Variants in NUDCD3 observed in about 807,000 individuals in gnomAD.
NUDCD3 encodes the protein nudC domain-containing protein 3.
NUDCD3 carries 13 observed loss-of-function variants against 39.7 expected under a neutral mutation model. That is an observed-to-expected ratio of 0.33 (90% CI 0.21 to 0.52). The LOEUF is 0.52. Among genes scored for constraint, NUDCD3 ranks in the 20% least tolerant of loss-of-function variants. The probability of loss-of-function intolerance (pLI) is 0.96; values close to 1 mark genes in which losing one functional copy is unlikely to be tolerated. For synonymous variants in NUDCD3, 175 were observed against 172.4 expected (o/e 1.02, Z -0.12); for missense variants, 453 against 458.1 (o/e 0.99, Z 0.10).
intron 2 of NUDCD3, among the ~76,000 whole-genome samples, chr7:44,456,550 C>T (rs1470786783): frequency 6.6e-6 from 1 of 152,140 alleles, no homozygotes; most frequent in Non-Finnish European, 1.5e-5. Context: ...GGGAGGACGG[C>T]TTGAACCCAG....
intron 2 of NUDCD3, among the ~76,000 whole-genome samples, chr7:44,462,282 T>C (rs967241081): frequency 5.9e-5 from 9 of 152,214 alleles, no homozygotes; most frequent in African/African-American, 2.2e-4. Context: ...ACAAACAACA[T>C]TTCATGAATT....
At chr7:44,456,454 T>C (rs2116942893) in intron 2 of NUDCD3, among the ~76,000 whole-genome samples, 1 of 152,316 alleles carries the variant, frequency 6.6e-6, no homozygotes, top group African/African-American at 2.4e-5. Context: ...TTCTCACTAT[T>C]GCACTCGACT....
At chr7:44,490,305 A>T in intron 1 of NUDCD3, 104 bp downstream of exon 1, 1 of 1,137,666 alleles carries the variant, frequency 8.8e-7, no homozygotes, top group Non-Finnish European at 1.2e-6. Flanking sequence ...CCAGGACACC[A>T]GGAAAAGGAG....
At chr7:44,458,322 G>A (rs1183761200) in intron 2 of NUDCD3, among the ~76,000 whole-genome samples, 1 of 152,198 alleles carries the variant, frequency 6.6e-6, no homozygotes, top group African/African-American at 2.4e-5. Flanking sequence ...GAGAGAAAAT[G>A]AGGAGTGAAT....
At chr7:44,394,829 C>T (rs1490397837) in intron 4 of NUDCD3, among the ~76,000 whole-genome samples, 1 of 152,164 alleles carries the variant, frequency 6.6e-6, no homozygotes, top group Non-Finnish European at 1.5e-5. Flanking sequence ...TGCTCTCAGG[C>T]CTTTTGGCAC....
chr7:44,430,201 C>G (rs968212138), intron 2 of NUDCD3, among the ~76,000 whole-genome samples: 1 of 152,108 alleles, frequency 6.6e-6, no homozygotes, highest in Non-Finnish European at 1.5e-5. Flanking sequence ...AAAATGCTAA[C>G]AGGAGACAGT....
At chr7:44,391,562 CCAG>C (rs1170723480) in intron 5 of NUDCD3, among the ~76,000 whole-genome samples, 3 of 152,236 alleles carry the variant, frequency 2.0e-5, no homozygotes, top group Middle Eastern at 3.4e-3. Context: ...GAGACTGTGC[CCAG>C]CAGATGACCC....
At chr7:44,426,631 C>T (rs1195295880) in intron 3 of NUDCD3, among the ~76,000 whole-genome samples, 2 of 151,898 alleles carry the variant, frequency 1.3e-5, no homozygotes, top group Non-Finnish European at 2.9e-5. Flanking sequence ...CCCGTCTCTA[C>T]TAAAAATACA....
At position 44,384,614 on chromosome 7, in the gene NUDCD3, G is replaced by C. The variant is rs1486982401; in HGVS notation, c.*1397C>G. On this transcript the variant is annotated 3_prime_UTR_variant, in exon 6 of 6. Coordinates refer to ENST00000355451, the MANE Select transcript of NUDCD3 (RefSeq NM_015332.4). ...AGCCCCCACAACCCAAGTATCCATA[G>C]AGAGTGTGCAGGAGCGGGGACCTTC... 1.3e-5 allele frequency: 2 copies of C among 152,242 alleles called. No homozygotes were observed. Among genetic ancestry groups the C allele is most frequent in the South Asian group, 2.1e-4 (1 of 4,832 alleles). 9.4% of individuals were successfully genotyped at this position (152,242 alleles called of 1,614,324 possible).
At chr7:44,460,656 T>C (rs1366839407) in intron 2 of NUDCD3, among the ~76,000 whole-genome samples, 3 of 151,746 alleles carry the variant, frequency 2.0e-5, no homozygotes, top group Admixed American at 6.6e-5. Flanking sequence ...TGTCACTATT[T>C]CCCCCTCAAA....
At position 44,467,337 on chromosome 7, in the gene NUDCD3, C is replaced by T. The variant is rs1282365827; in HGVS notation, c.509+17631G>A. On this transcript the variant is annotated intron_variant, in intron 2 of 5. Transcript: ENST00000355451. ...CAGAACTGCTCATTTAACATGGGAA[C>T]GGCGAAGCGCCCACTCCAAGACTTC... 4.6e-5 allele frequency among the ~76,000 whole-genome samples: 7 copies of T among 152,164 alleles called. No individual in the cohort carries two copies. In the East Asian group the frequency reaches 7.7e-4, roughly 17 times the overall value.
At chr7:44,475,353 A>C (rs1404189489) in intron 2 of NUDCD3, among the ~76,000 whole-genome samples, 1 of 152,162 alleles carries the variant, frequency 6.6e-6, no homozygotes, top group Non-Finnish European at 1.5e-5. Context: ...CAAAATCAGC[A>C]AAAGGCATGC....
chr7:44,485,139 A>C lies in NUDCD3; in HGVS notation c.338T>G (p.Val113Gly), dbSNP rs1392703993. 1 of 1,613,944 alleles carries C rather than the reference A, an allele frequency of 6.2e-7. No homozygotes were observed. The highest frequency in any genetic ancestry group is 1.7e-5 in the Admixed American group (1 of 59,982). The change falls in exon 2 of 6, where the codon GTC becomes GGC. Residue 113 changes from valine (V) to glycine (G), a missense_variant. Transcript: ENST00000355451. ...AAEKEPVPVP[V>G]QEIEIDSTTE... is the part of the protein sequence containing the mutation. ...GGTGGAGTCAATCTCTATTTCCTGG[A>C]CTGGAACTGGGACTGGCTCCTTCTC...
intron 3 of NUDCD3, chr7:44,413,158 T>C (rs1449911653): frequency 6.6e-6 from 1 of 151,840 alleles, no homozygotes; most frequent in African/African-American, 2.4e-5. Flanking sequence ...ACATAAAAAT[T>C]AGTAAGGTGA....
intron 2 of NUDCD3, among the ~76,000 whole-genome samples, chr7:44,470,596 C>T (rs745888005): frequency 1.3e-5 from 2 of 152,162 alleles, no homozygotes; most frequent in African/African-American, 2.4e-5. Context: ...ACAAGGCCTG[C>T]GTGGACCGGG....
At position 44,490,377 on chromosome 7, in the gene NUDCD3, GGCTCCCCAGACC is replaced by G; in HGVS notation, c.192+20_192+31del. On this transcript the variant is annotated intron_variant, in intron 1 of 5. Coordinates refer to ENST00000355451, the MANE Select transcript of NUDCD3 (RefSeq NM_015332.4). ...GGAGTCAGGGCAGGCCGGGGGCGGC[GGCTCCCCAGACC>G]GCAGGCCCGCCCGCCTCACCTGCAG... 2 of 1,494,312 alleles carry G rather than the reference GGCTCCCCAGACC, an allele frequency of 1.3e-6. No homozygotes were observed. Among genetic ancestry groups the G allele is most frequent in the Non-Finnish European group, 1.8e-6 (2 of 1,126,866 alleles). The allele number at this position is 1,494,312 out of a possible 1,614,324, so 92.6% of individuals were successfully genotyped here. A position where few individuals can be genotyped will look rare whatever the true frequency, so the allele number is the denominator to read the frequency against.
At chr7:44,450,158 C>T (rs919268469) in intron 2 of NUDCD3, among the ~76,000 whole-genome samples, 6 of 151,910 alleles carry the variant, frequency 3.9e-5, no homozygotes, top group African/African-American at 9.7e-5. Flanking sequence ...AAATACCACA[C>T]TGAACCTATA....
chr7:44,443,683 G>A lies in NUDCD3; in HGVS notation c.510-15980C>T, dbSNP rs147554044. ...GCCGCAGCCTCCTTCTAAATGCTGG[G>A]ATTACAGGCGTGACCCACAGTGCCT... is the stretch of plus-strand genomic sequence containing the variant. On this transcript the variant is annotated intron_variant, in intron 2 of 5. Coordinates refer to ENST00000355451, the MANE Select transcript of NUDCD3 (RefSeq NM_015332.4). 9.8e-5 allele frequency among the ~76,000 whole-genome samples: 15 copies of A among 152,316 alleles called. No homozygotes were observed. The East Asian group carries it at 2.9e-3, about 29-fold the overall frequency.
intron 3 of NUDCD3, among the ~76,000 whole-genome samples, chr7:44,424,432 TAAAC>T (rs1799196815): frequency 6.6e-6 from 1 of 151,532 alleles, no homozygotes; most frequent in Admixed American, 6.6e-5. Flanking sequence ...ACAAGAAACT[TAAAC>T]AAATTTACAA....
Sources: gnomAD v4.1 joint callset for allele counts (sites outside exome capture counted in the v4.1 genomes callset) on GRCh38, gnomAD v4.1.1 for gene constraint, MANE v1.5 for transcripts, NCBI Gene and HGNC (gene_info 2026-07-23, HGNC 2026-07-21) for gene names.